The following RIC1 variants were observed in gnomAD, a reference collection of about 807,000 sequenced individuals.
RIC1 encodes the protein guanine nucleotide exchange factor subunit RIC1.
In RIC1, 88 loss-of-function variants were observed where a neutral mutation model predicts 169.0. The ratio of observed to expected loss-of-function variants is 0.52; its 90% CI spans 0.44 to 0.62. The LOEUF is 0.62. RIC1 is among the 20% of genes least tolerant of loss of function. The pLI is 0.00. For missense variants in RIC1, 1,877 were observed against 1,725.5 expected (o/e 1.09, Z -1.56); for synonymous variants, 790 against 601.5 (o/e 1.31, Z -4.59).
At chr9:5,652,958 A>AGAG (rs1818889122) in intron 1 of RIC1, among the ~76,000 whole-genome samples, 1 of 152,172 alleles carries the variant, frequency 6.6e-6, no homozygotes, top group African/African-American at 2.4e-5. Context: ...TCCTGAAATG[A>AGAG]TCATGGGGTT....
intron 17 of RIC1, among the ~76,000 whole-genome samples, chr9:5,761,643 A>G (rs1826347502): frequency 6.6e-6 from 1 of 152,202 alleles, no homozygotes; most frequent in African/African-American, 2.4e-5. Flanking sequence ...CCTGGAAATC[A>G]TCTTTGGTTC....
intron 3 of RIC1, among the ~76,000 whole-genome samples, chr9:5,692,007 A>T (rs1329273024): frequency 3.3e-5 from 5 of 152,050 alleles, no homozygotes; most frequent in African/African-American, 1.2e-4. Context: ...CCAGTTAACT[A>T]AGTAGTCCTG....
intron 4 of RIC1, among the ~76,000 whole-genome samples, chr9:5,715,431 A>G (rs550273137): frequency 6.6e-6 from 1 of 152,330 alleles, no homozygotes; most frequent in East Asian, 1.9e-4. Flanking sequence ...GGTGGTTGGA[A>G]ATCTGTAAGG....
At chr9:5,683,529 G>A (rs1424536492) in intron 2 of RIC1, among the ~76,000 whole-genome samples, 2 of 152,130 alleles carry the variant, frequency 1.3e-5, no homozygotes, top group East Asian at 1.9e-4. Flanking sequence ...AGGAGTACCC[G>A]GCCGTGTGAA....
intron 1 of RIC1, among the ~76,000 whole-genome samples, chr9:5,642,349 A>T (rs1818292955): frequency 1.4e-5 from 2 of 144,708 alleles, no homozygotes; most frequent in Admixed American, 1.3e-4. Flanking sequence ...ACCTGAAGCC[A>T]GCAGAGCACT....
chr9:5,687,381 C>T (rs1295022374), intron 2 of RIC1, among the ~76,000 whole-genome samples: 1 of 152,162 alleles, frequency 6.6e-6, no homozygotes, highest in Non-Finnish European at 1.5e-5. Flanking sequence ...CCACCACTTG[C>T]TTTGGATTTC....
chr9:5,675,526 T>A (rs1167727685), intron 2 of RIC1, among the ~76,000 whole-genome samples: 1 of 152,258 alleles, frequency 6.6e-6, no homozygotes, highest in East Asian at 1.9e-4. Context: ...TTACTCTTTA[T>A]GTACTTTATT....
At chr9:5,687,226 G>C (rs181885651) in intron 2 of RIC1, among the ~76,000 whole-genome samples, 1 of 151,916 alleles carries the variant, frequency 6.6e-6, no homozygotes, top group East Asian at 1.9e-4. Flanking sequence ...TGCCTGATCA[G>C]TGTGACCAGA....
At chr9:5,635,336 C>T (rs574682711) in intron 1 of RIC1, among the ~76,000 whole-genome samples, 1 of 152,122 alleles carries the variant, frequency 6.6e-6, no homozygotes, top group Non-Finnish European at 1.5e-5. Flanking sequence ...CCCCCTCCGT[C>T]TTTAATCCTT....
chr9:5,676,500 C>T (rs774380486), intron 2 of RIC1, among the ~76,000 whole-genome samples: 1 of 152,130 alleles, frequency 6.6e-6, no homozygotes, highest in Non-Finnish European at 1.5e-5. Flanking sequence ...TCCCATCATA[C>T]AGTTGAGCAA....
chr9:5,659,415 G>A (rs1208398676), intron 2 of RIC1, among the ~76,000 whole-genome samples: 1 of 152,126 alleles, frequency 6.6e-6, no homozygotes, highest in Non-Finnish European at 1.5e-5. Context: ...AATACCATAA[G>A]TAAAAAATTT....
In RIC1 at chr9:5,743,640, T is replaced by C. The variant is rs367948123; in HGVS notation, c.1047-49T>C. On this transcript the variant is annotated intron_variant, in intron 9 of 25. Transcript: ENST00000414202. The stretch of plus-strand genomic sequence containing the variant: ...AAAAAACACTAAATTTTATGTGTAT[T>C]ATATGTAATTGGAAGGCTGTATTAT... 407 of 1,399,104 alleles carry C rather than the reference T, an allele frequency of 2.9e-4. 1 individual carries two copies. Among genetic ancestry groups the C allele is most frequent in the Non-Finnish European group, 3.8e-4 (381 of 1,004,450 alleles). The allele number at this position is 1,399,104 out of a possible 1,614,324, so 86.7% of individuals were successfully genotyped here.
chr9:5,722,349 G>GTGTGTGTGTC (rs1491573678), intron 6 of RIC1, among the ~76,000 whole-genome samples: 5 of 3,876 alleles, frequency 1.3e-3, no homozygotes, highest in African/African-American at 3.5e-3. Context: ...GAGAGAGAGA[G>GTGTGTGTGTC]TGTGTGTGTG....
At chr9:5,691,277 C>T (rs1321315523) in intron 3 of RIC1, among the ~76,000 whole-genome samples, 1 of 151,880 alleles carries the variant, frequency 6.6e-6, no homozygotes, top group Non-Finnish European at 1.5e-5. Flanking sequence ...CATCTAAAGA[C>T]AAAATCTAGA....
chr9:5,696,160 C>T (rs1049193377), intron 3 of RIC1, among the ~76,000 whole-genome samples: 1 of 152,052 alleles, frequency 6.6e-6, no homozygotes, highest in Admixed American at 6.6e-5. Context: ...CTCATGTCCT[C>T]CTCCTTGTCT....
At chr9:5,697,959 T>A (rs1187374221) in intron 3 of RIC1, among the ~76,000 whole-genome samples, 1 of 152,134 alleles carries the variant, frequency 6.6e-6, no homozygotes, top group Non-Finnish European at 1.5e-5. Flanking sequence ...TCAAGGGAAG[T>A]TTTGTAGATA....
chr9:5,717,706 G>A (rs1464012747), intron 4 of RIC1, among the ~76,000 whole-genome samples: 5 of 151,338 alleles, frequency 3.3e-5, no homozygotes, highest in Non-Finnish European at 5.9e-5. Flanking sequence ...TTAGCTGGGC[G>A]TGGTGGCGCA....
chr9:5,692,424 T>A (rs1821638277), intron 3 of RIC1, among the ~76,000 whole-genome samples: 2 of 152,044 alleles, frequency 1.3e-5, no homozygotes, highest in Non-Finnish European at 2.9e-5. Context: ...TATCAGTAAT[T>A]TTTTTCACCA....
In RIC1 at chr9:5,647,980, G is replaced by GTGGTGGTGGTGA. The variant is rs1563867065; in HGVS notation, c.145-8592_145-8591insATGGTGGTGGTG. Among the ~76,000 whole-genome samples the GTGGTGGTGGTGA allele has an allele frequency of 2.2e-3, 275 of 127,332 alleles. 2 individuals carry two copies. Among genetic ancestry groups the GTGGTGGTGGTGA allele is most frequent in the East Asian group, 6.7e-3 (28 of 4,174 alleles). The allele number at this position is 127,332 out of a possible 152,430, so 83.5% of individuals were successfully genotyped here. ...GGTGGTGGTGGTGGTGGTGATGGTG[G>GTGGTGGTGGTGA]TGGTGGTGGTGGTAGTGGTAGTGGT... On this transcript the variant is annotated intron_variant, in intron 1 of 25. Coordinates refer to ENST00000414202, the MANE Select transcript of RIC1 (RefSeq NM_020829.4).
Sources: allele counts gnomAD v4.1 joint callset (sites outside exome capture counted in the v4.1 genomes callset), GRCh38; gene constraint gnomAD v4.1.1; transcripts MANE v1.5; gene names NCBI Gene and HGNC (gene_info 2026-07-23, HGNC 2026-07-21).